Variants in CFAP206 observed in about 807,000 individuals in gnomAD.
CFAP206 encodes cilia and flagella associated protein 206.
Under a neutral mutation model 65.4 loss-of-function variants are expected in CFAP206, and 53 were observed. The observed-to-expected ratio is 0.81, with a 90% CI of 0.65 to 1.02. CFAP206 has a LOEUF of 1.02. Ranked by LOEUF, CFAP206 falls within the 50% of genes least tolerant of loss-of-function variation. The pLI is 0.00. For missense variants in CFAP206, 663 were observed against 753.2 expected, an observed-to-expected ratio of 0.88 and a Z score of 1.40; for synonymous variants, 250 against 254.4, an observed-to-expected ratio of 0.98 and a Z score of 0.17.
At chr6:87,461,891 A>G (rs1024583538) in intron 12 of CFAP206, among the ~76,000 whole-genome samples, 5 of 152,208 alleles carry the variant, frequency 3.3e-5, no homozygotes, top group Non-Finnish European at 7.3e-5. Flanking sequence ...GACTCAAAGC[A>G]TGCAGGGGAG....
intron 12 of CFAP206, among the ~76,000 whole-genome samples, chr6:87,462,097 G>A (rs922465056): frequency 3.3e-5 from 5 of 152,178 alleles, no homozygotes; most frequent in Non-Finnish European, 7.3e-5. Flanking sequence ...AGTTGGCTAA[G>A]TCTTCAACAT....
intron 6 of CFAP206, among the ~76,000 whole-genome samples, chr6:87,417,507 A>G (rs1356075849): frequency 6.7e-6 from 1 of 149,630 alleles, no homozygotes; most frequent in Non-Finnish European, 1.5e-5. Context: ...TTGCTAGACT[A>G]TTCTGTCATT....
chr6:87,415,059 C>T (rs541721661), intron 4 of CFAP206, among the ~76,000 whole-genome samples: 48 of 152,144 alleles, frequency 3.2e-4, no homozygotes, highest in African/African-American at 1.2e-3. Context: ...GTACTTGCAA[C>T]AACTCAGGGA....
At chr6:87,419,735 C>G (rs1032169925) in intron 7 of CFAP206, among the ~76,000 whole-genome samples, 1 of 152,118 alleles carries the variant, frequency 6.6e-6, no homozygotes, top group Admixed American at 6.5e-5. Context: ...TTGGTCTGTC[C>G]TCTCTCCTTA....
chr6:87,464,309 A>C lies in CFAP206; in HGVS notation c.*59A>C. 3.0e-6 allele frequency: 4 copies of C among 1,352,810 alleles called. No individual in the cohort carries two copies. The highest frequency in any genetic ancestry group is 4.9e-5 in the East Asian group (2 of 41,154). The allele number at this position is 1,352,810 out of a possible 1,614,324, so 83.8% of individuals were successfully genotyped here. A position where few individuals can be genotyped will look rare whatever the true frequency, so the allele number is the denominator to read the frequency against. The stretch of plus-strand genomic sequence containing the variant: ...ATTATGAACAATAGCAAGTACTTAA[A>C]GGTATATTAACATCTATACAAATTA... On this transcript the variant is annotated 3_prime_UTR_variant, in exon 13 of 13. Coordinates refer to ENST00000369562, the MANE Select transcript of CFAP206 (RefSeq NM_001031743.3).
chr6:87,408,075 T>C lies in CFAP206; in HGVS notation c.-20T>C. 1 of 985,352 alleles carries C rather than the reference T, an allele frequency of 1.0e-6. No individual in the cohort carries two copies. The highest frequency in any genetic ancestry group is 1.2e-6 in the Non-Finnish European group (1 of 829,896). The allele number at this position is 985,352 out of a possible 1,614,324, so 61.0% of individuals were successfully genotyped here. A position where few individuals can be genotyped will look rare whatever the true frequency, so the allele number is the denominator to read the frequency against. ...AAGCAGACAGACACGGCTCCTGCTGTCGATTCCGATCCAGGTCAGCCTACT... is the reference window on the plus strand; with the variant it reads ...AAGCAGACAGACACGGCTCCTGCTGCCGATTCCGATCCAGGTCAGCCTACT... On this transcript the variant is annotated 5_prime_UTR_variant, in exon 1 of 13. Transcript: ENST00000369562.
At chr6:87,449,198 A>T (rs113067429) in intron 11 of CFAP206, among the ~76,000 whole-genome samples, 1,667 of 152,134 alleles carry the variant, frequency 0.011, 37 homozygotes, top group African/African-American at 0.038. Flanking sequence ...ACACTTTGGG[A>T]GGCCGAGGTG....
intron 11 of CFAP206, chr6:87,435,580 T>G (rs1284225273): frequency 6.6e-6 from 1 of 152,352 alleles, no homozygotes; most frequent in Admixed American, 6.5e-5. Context: ...GATAAAAATC[T>G]CTACCGGTTT....
rs151286806 is a variant in CFAP206, at chr6:87,430,160, A to G, written c.1160-873A>G. Among the ~76,000 whole-genome samples the G allele has an allele frequency of 3.5e-3, 527 of 152,284 alleles. 3 individuals carry two copies. Among genetic ancestry groups the G allele is most frequent in the Non-Finnish European group, 4.2e-3 (288 of 68,020 alleles). ...TCATTTACACCTGCCACATATTGTC[A>G]TTGTTAGAGGCTTTCAGGCATATCA... On this transcript the variant is annotated intron_variant, in intron 9 of 12. Coordinates refer to ENST00000369562, the MANE Select transcript of CFAP206 (RefSeq NM_001031743.3).
intron 11 of CFAP206, among the ~76,000 whole-genome samples, chr6:87,453,195 G>GA (rs993023392): frequency 6.6e-6 from 1 of 151,152 alleles, no homozygotes; most frequent in South Asian, 2.1e-4. Flanking sequence ...AGTGCTGAAG[G>GA]AAAAAAAAAT....
chr6:87,418,967 C>T (rs1380830837), intron 7 of CFAP206, among the ~76,000 whole-genome samples: 1 of 151,992 alleles, frequency 6.6e-6, no homozygotes, highest in African/African-American at 2.4e-5. Flanking sequence ...CAAAACTTAG[C>T]CGGGCACAGT....
intron 2 of CFAP206, among the ~76,000 whole-genome samples, 173 bp from the exon 3 acceptor site, chr6:87,410,412 T>G (rs1767714090): frequency 6.6e-6 from 1 of 152,200 alleles, no homozygotes; most frequent in African/African-American, 2.4e-5. Context: ...TTTTTCAACC[T>G]CTAACAAGGG....
At chr6:87,449,422 G>A (rs1768502638) in intron 11 of CFAP206, among the ~76,000 whole-genome samples, 1 of 125,130 alleles carries the variant, frequency 8.0e-6, no homozygotes, top group South Asian at 2.7e-4. Flanking sequence ...GGGTGACAGA[G>A]TGAGACTCCA....
chr6:87,439,603 T>C (rs1265400233), intron 11 of CFAP206, among the ~76,000 whole-genome samples: 1 of 152,126 alleles, frequency 6.6e-6, no homozygotes, highest in African/African-American at 2.4e-5. Flanking sequence ...CATGTCTTGT[T>C]TAAGAAGTTC....
chr6:87,461,010 C>A lies in CFAP206; in HGVS notation c.1495-12C>A. On this transcript the variant is annotated splice_polypyrimidine_tract_variant and intron_variant, in intron 11 of 12. Transcript: ENST00000369562. The stretch of plus-strand genomic sequence containing the variant: ...TTTTACAAGCACTAACTACAAAACT[C>A]CACTTCTTTAGATGAGAGATGCTGA... 1.3e-6 allele frequency: 2 copies of A among 1,563,006 alleles called. No individual in the cohort carries two copies. Among genetic ancestry groups the A allele is most frequent in the East Asian group, 2.4e-5 (1 of 41,426 alleles).
At chr6:87,424,559 G>A (rs1410348169) in intron 7 of CFAP206, among the ~76,000 whole-genome samples, 5 of 152,182 alleles carry the variant, frequency 3.3e-5, no homozygotes, top group Non-Finnish European at 7.3e-5. Flanking sequence ...TTACAGGCGT[G>A]AGCCACCGTG....
intron 11 of CFAP206, among the ~76,000 whole-genome samples, chr6:87,443,402 A>G (rs1048548167): frequency 6.6e-6 from 1 of 152,080 alleles, no homozygotes; most frequent in African/African-American, 2.4e-5. Context: ...AAGAATCAGC[A>G]TTTGACTTTA....
intron 11 of CFAP206, among the ~76,000 whole-genome samples, chr6:87,457,713 A>G (rs1451676144): frequency 6.6e-6 from 1 of 152,202 alleles, no homozygotes; most frequent in Non-Finnish European, 1.5e-5. Flanking sequence ...CTATGAAACT[A>G]TTAATACTAC....
chr6:87,451,446 G>T, intron 11 of CFAP206, among the ~76,000 whole-genome samples: 1 of 152,112 alleles, frequency 6.6e-6, no homozygotes, highest in East Asian at 1.9e-4. Context: ...TGCCCTGAAG[G>T]CAAGGACCCA....
Sources: gnomAD v4.1 joint callset for allele counts (sites outside exome capture counted in the v4.1 genomes callset) on GRCh38, gnomAD v4.1.1 for gene constraint, MANE v1.5 for transcripts, NCBI Gene and HGNC (gene_info 2026-07-23, HGNC 2026-07-21) for gene names.